Variants in PRKG1 observed in about 807,000 individuals in gnomAD.
PRKG1 encodes the protein protein kinase cGMP-dependent 1.
In PRKG1, 35 loss-of-function variants were observed where a neutral mutation model predicts 88.1. The observed-to-expected ratio is 0.40, with a 90% CI of 0.30 to 0.53. The LOEUF (loss-of-function observed/expected upper bound fraction) is 0.53. Among genes scored for constraint, PRKG1 ranks in the 20% least tolerant of loss-of-function variants. The probability of loss-of-function intolerance (pLI) is 0.59; values close to 1 mark genes in which losing one functional copy is unlikely to be tolerated. For missense variants in PRKG1, 540 were observed against 839.8 expected (o/e 0.64, Z 4.41); for synonymous variants, 303 against 292.5 (o/e 1.04, Z -0.37).
At chr10:51,811,551 G>A (rs1839456508) in intron 4 of PRKG1, among the ~76,000 whole-genome samples, 1 of 152,096 alleles carries the variant, frequency 6.6e-6, no homozygotes, top group African/African-American at 2.4e-5. Flanking sequence ...TGAGAGAACT[G>A]GGCCTAGATC....
At chr10:51,978,812 G>T (rs1843917884) in intron 5 of PRKG1, among the ~76,000 whole-genome samples, 1 of 151,924 alleles carries the variant, frequency 6.6e-6, no homozygotes, top group Non-Finnish European at 1.5e-5. Context: ...TGTTGATTTT[G>T]TTTCCTGAGA....
intron 2 of PRKG1, among the ~76,000 whole-genome samples, chr10:51,376,848 AT>A (rs1053331360): frequency 1.3e-5 from 2 of 151,278 alleles, no homozygotes; most frequent in African/African-American, 2.4e-5. Flanking sequence ...CTAATTTTGT[AT>A]TTTTTTTAGT....
At chr10:51,112,948 T>G (rs1414946723) in intron 1 of PRKG1, among the ~76,000 whole-genome samples, 1 of 152,140 alleles carries the variant, frequency 6.6e-6, no homozygotes, top group African/African-American at 2.4e-5. Flanking sequence ...TCAGCAGAAA[T>G]TGGAATAAAA....
At position 51,663,702 on chromosome 10, in the gene PRKG1, C is replaced by CAAAAAAAAAAAAAAAAAAAAAAAAAA. The variant is rs56804341; in HGVS notation, c.593-140861_593-140860insAAAAAAAAAAAAAAAAAAAAAAAAAA. ...ACTGGGAAACAGTGAGACCCTGTCT[C>CAAAAAAAAAAAAAAAAAAAAAAAAAA]AAAAAAAAAAAAAAAAAAAAAACAC... On this transcript the variant is annotated intron_variant, in intron 3 of 17. Coordinates refer to ENST00000373980, the MANE Select transcript of PRKG1 (RefSeq NM_006258.4). Among the ~76,000 whole-genome samples the CAAAAAAAAAAAAAAAAAAAAAAAAAA allele has an allele frequency of 2.8e-5, 2 of 72,722 alleles. 1 individual carries two copies. Among genetic ancestry groups the CAAAAAAAAAAAAAAAAAAAAAAAAAA allele is most frequent in the Non-Finnish European group, 5.6e-5 (2 of 35,970 alleles). 47.7% of individuals were successfully genotyped at this position (72,722 alleles called of 152,430 possible).
At chr10:51,267,591 G>A (rs759401277) in intron 2 of PRKG1, among the ~76,000 whole-genome samples, 3 of 152,076 alleles carry the variant, frequency 2.0e-5, no homozygotes, top group African/African-American at 7.2e-5. Context: ...TATGGTGCTG[G>A]GATAACAGCA....
intron 1 of PRKG1, among the ~76,000 whole-genome samples, chr10:51,139,617 C>G (rs2131952468): frequency 6.6e-6 from 1 of 152,318 alleles, no homozygotes; most frequent in Non-Finnish European, 1.5e-5. Flanking sequence ...GGGGTTGTTT[C>G]CTTTTCCCCA....
At chr10:52,261,846 T>C (rs74349849) in intron 10 of PRKG1, among the ~76,000 whole-genome samples, 2 of 152,248 alleles carry the variant, frequency 1.3e-5, no homozygotes, top group East Asian at 3.9e-4. Flanking sequence ...TAATCCAACA[T>C]TGATGTGAAT....
chr10:51,150,508 T>A (rs1257484911), intron 1 of PRKG1, among the ~76,000 whole-genome samples: 1 of 152,108 alleles, frequency 6.6e-6, no homozygotes, highest in African/African-American at 2.4e-5. Flanking sequence ...TCTTTGGGGT[T>A]GTACTACACA....
intron 2 of PRKG1, among the ~76,000 whole-genome samples, chr10:51,405,704 T>C (rs575915207): frequency 4.9e-4 from 75 of 152,280 alleles, no homozygotes; most frequent in African/African-American, 1.7e-3. Flanking sequence ...GCTTTTCTGG[T>C]CCTGTGTTTT....
At chr10:52,180,421 G>A (rs1589678687) in intron 9 of PRKG1, among the ~76,000 whole-genome samples, 2 of 152,244 alleles carry the variant, frequency 1.3e-5, no homozygotes, top group South Asian at 4.1e-4. Context: ...CGTTCATTTG[G>A]ACGTGTAGTG....
intron 3 of PRKG1, among the ~76,000 whole-genome samples, chr10:51,679,207 A>T (rs1320421941): frequency 1.3e-5 from 2 of 152,152 alleles, no homozygotes; most frequent in Admixed American, 1.3e-4. Flanking sequence ...ATTATTTTTC[A>T]TTCAATTCTG....
intron 4 of PRKG1, among the ~76,000 whole-genome samples, chr10:51,888,822 A>G (rs1216550278): frequency 3.3e-5 from 5 of 152,332 alleles, no homozygotes; most frequent in African/African-American, 1.2e-4. Context: ...GAAATAATCT[A>G]AAGAATTATT....
intron 3 of PRKG1, among the ~76,000 whole-genome samples, chr10:51,591,035 A>T (rs1226459848): frequency 6.6e-6 from 1 of 152,198 alleles, no homozygotes; most frequent in African/African-American, 2.4e-5. Context: ...AAATAGTTTA[A>T]CAAAGGCAAA....
At chr10:51,791,658 C>T (rs1246503919) in intron 3 of PRKG1, among the ~76,000 whole-genome samples, 1 of 151,992 alleles carries the variant, frequency 6.6e-6, no homozygotes, top group African/African-American at 2.4e-5. Flanking sequence ...CGATATAACT[C>T]AGGTATATGA....
intron 7 of PRKG1, among the ~76,000 whole-genome samples, chr10:52,131,597 A>G (rs1458363736): frequency 6.6e-6 from 1 of 151,986 alleles, no homozygotes; most frequent in Non-Finnish European, 1.5e-5. Flanking sequence ...TTGTAATCTC[A>G]GCACTTTGGG....
intron 3 of PRKG1, among the ~76,000 whole-genome samples, chr10:51,714,136 A>G (rs750723408): frequency 1.1e-4 from 17 of 151,792 alleles, no homozygotes; most frequent in African/African-American, 2.2e-4. Flanking sequence ...CCCGCCACCA[A>G]GCCCGGTTAA....
In PRKG1 at chr10:51,826,192, A is replaced by G. The variant is rs1021138350; in HGVS notation, c.698+21502A>G. Reference sequence around the variant, plus strand: ...AGTACATTTAACAGTGTCACTGTGGATAAGATAGAACAATTTAGGCTGAAT... The same window carrying G: ...AGTACATTTAACAGTGTCACTGTGGGTAAGATAGAACAATTTAGGCTGAAT... On this transcript the variant is annotated intron_variant, in intron 4 of 17. Coordinates refer to ENST00000373980, the MANE Select transcript of PRKG1 (RefSeq NM_006258.4). Among the ~76,000 whole-genome samples, 3 of 152,246 alleles carry G rather than the reference A, an allele frequency of 2.0e-5. No individual in the cohort carries two copies. The South Asian group carries it at 6.2e-4, about 32-fold the overall frequency.
intron 3 of PRKG1, among the ~76,000 whole-genome samples, chr10:51,622,614 T>C (rs544352469): frequency 2.0e-5 from 3 of 152,320 alleles, no homozygotes; most frequent in African/African-American, 7.2e-5. Flanking sequence ...ATATGTGAGA[T>C]AAATCAGTAA....
At chr10:51,627,996 C>T (rs866490195) in intron 3 of PRKG1, among the ~76,000 whole-genome samples, 2,071 of 39,368 alleles carry the variant, frequency 0.053, 157 homozygotes, top group South Asian at 0.061. Flanking sequence ...TTCTTTCTCT[C>T]TCTCTCTCTC....
Sources: allele counts gnomAD v4.1 joint callset (sites outside exome capture counted in the v4.1 genomes callset), GRCh38; gene constraint gnomAD v4.1.1; transcripts MANE v1.5; gene names NCBI Gene and HGNC (gene_info 2026-07-23, HGNC 2026-07-21).